Variants in ZZZ3 observed in about 807,000 individuals in gnomAD.
ZZZ3 encodes ZZ-type zinc finger-containing protein 3.
A neutral mutation model predicts 95.2 loss-of-function variants in ZZZ3; 22 were observed. That is an observed-to-expected ratio of 0.23 (90% CI 0.17 to 0.33). The LOEUF is 0.33. Among genes scored for constraint, ZZZ3 ranks in the 10% least tolerant of loss-of-function variants. ZZZ3 has a pLI of 1.00. For synonymous variants in ZZZ3, 335 were observed against 358.9 expected, an observed-to-expected ratio of 0.93 and a Z score of 0.75; for missense variants, 885 against 1,066.5, an observed-to-expected ratio of 0.83 and a Z score of 2.37.
chr1:77,626,605 C>T (rs893488211), intron 5 of ZZZ3, among the ~76,000 whole-genome samples: 1 of 152,170 alleles, frequency 6.6e-6, no homozygotes, highest in Admixed American at 6.5e-5. Context: ...TGGTGTGCAG[C>T]CCAGTTCCTA....
intron 1 of ZZZ3, among the ~76,000 whole-genome samples, chr1:77,673,735 T>A (rs1029645146): frequency 3.3e-5 from 5 of 152,216 alleles, no homozygotes; most frequent in African/African-American, 9.6e-5. Flanking sequence ...TGTTGTACTG[T>A]TCATAAATAT....
At chr1:77,628,385 C>T (rs1667504865) in intron 5 of ZZZ3, among the ~76,000 whole-genome samples, 2 of 152,076 alleles carry the variant, frequency 1.3e-5, no homozygotes, top group South Asian at 4.1e-4. Context: ...ATTCTCTGGT[C>T]CCTTTCTCAC....
intron 5 of ZZZ3, among the ~76,000 whole-genome samples, chr1:77,592,892 A>T (rs1419765458): frequency 6.6e-6 from 1 of 152,252 alleles, no homozygotes; most frequent in Non-Finnish European, 1.5e-5. Context: ...AAAGCATCAA[A>T]GAGCTAACAA....
chr1:77,602,107 A>G lies in ZZZ3; in HGVS notation c.1506-17452T>C, dbSNP rs558832115. Among the ~76,000 whole-genome samples the G allele has an allele frequency of 3.9e-5, 6 of 152,368 alleles. No individual in the cohort carries two copies. In the South Asian group the frequency reaches 1.2e-3, roughly 32 times the overall value. ...CAGGGCACCTGAGAGGCTCCCAACT[A>G]TAATTGGAAACCATGCCTTTAGAGT... On this transcript the variant is annotated intron_variant, in intron 5 of 14. Coordinates refer to ENST00000370801, the MANE Select transcript of ZZZ3 (RefSeq NM_015534.6).
intron 5 of ZZZ3, among the ~76,000 whole-genome samples, chr1:77,595,936 C>T (rs190198973): frequency 1.9e-3 from 294 of 152,014 alleles, no homozygotes; most frequent in Non-Finnish European, 2.9e-3. Flanking sequence ...ATACTTGCTA[C>T]GTAGAAAAGA....
intron 5 of ZZZ3, among the ~76,000 whole-genome samples, chr1:77,612,203 T>C (rs940370952): frequency 2.0e-5 from 3 of 152,048 alleles, no homozygotes; most frequent in South Asian, 2.1e-4. Context: ...TCAACATCAC[T>C]AATCATCAGG....
intron 5 of ZZZ3, among the ~76,000 whole-genome samples, chr1:77,586,310 C>T (rs1252573109): frequency 6.6e-6 from 1 of 152,208 alleles, no homozygotes; most frequent in Non-Finnish European, 1.5e-5. Flanking sequence ...GCCTCTATCC[C>T]TGTTTTAAGC....
chr1:77,649,499 T>C (rs898024887), intron 1 of ZZZ3, among the ~76,000 whole-genome samples: 2 of 152,118 alleles, frequency 1.3e-5, no homozygotes, highest in African/African-American at 4.8e-5. Context: ...AGAAGTTCTT[T>C]AGGCAGAAGG....
chr1:77,642,643 A>G (rs977511807), intron 1 of ZZZ3, among the ~76,000 whole-genome samples: 3 of 152,026 alleles, frequency 2.0e-5, no homozygotes, highest in Non-Finnish European at 4.4e-5. Flanking sequence ...TGTAGTCCCA[A>G]GTACTTGGTT....
intron 5 of ZZZ3, among the ~76,000 whole-genome samples, chr1:77,611,907 T>G (rs751890109): frequency 1.3e-5 from 2 of 151,988 alleles, no homozygotes; most frequent in African/African-American, 2.4e-5. Flanking sequence ...TTCCTCAACA[T>G]TGGTGTTGGC....
intron 1 of ZZZ3, among the ~76,000 whole-genome samples, chr1:77,663,119 TA>T (rs1164493520): frequency 3.5e-5 from 5 of 143,816 alleles, no homozygotes; most frequent in Non-Finnish European, 4.6e-5. Context: ...AAAAAATTAA[TA>T]AAAAAAAAAA....
At chr1:77,668,625 G>A (rs1344538334) in intron 1 of ZZZ3, among the ~76,000 whole-genome samples, 32 of 147,006 alleles carry the variant, frequency 2.2e-4, no homozygotes, top group South Asian at 4.4e-4. Context: ...TCCAGCCTGC[G>A]TGACAGAGCA....
At chr1:77,675,530 A>T (rs1278994981) in intron 1 of ZZZ3, among the ~76,000 whole-genome samples, 2 of 152,212 alleles carry the variant, frequency 1.3e-5, no homozygotes, top group Non-Finnish European at 2.9e-5. Context: ...CCCAAGACAG[A>T]AGGAAATTAC....
intron 5 of ZZZ3, among the ~76,000 whole-genome samples, chr1:77,612,279 G>C (rs1179914196): frequency 2.6e-5 from 4 of 151,936 alleles, no homozygotes; most frequent in Non-Finnish European, 5.9e-5. Flanking sequence ...TTAGCAAAAA[G>C]ACAGATGATA....
chr1:77,645,129 T>A (rs1252120840), intron 1 of ZZZ3, among the ~76,000 whole-genome samples: 2 of 152,032 alleles, frequency 1.3e-5, no homozygotes, highest in Non-Finnish European at 2.9e-5. Flanking sequence ...TCCTAGCTAC[T>A]CAGGAAGCAA....
intron 1 of ZZZ3, among the ~76,000 whole-genome samples, chr1:77,661,061 A>C (rs1670736465): frequency 2.6e-5 from 4 of 151,946 alleles, no homozygotes; most frequent in Admixed American, 2.0e-4. Flanking sequence ...AACGCAAAAA[A>C]AAAAAAAAAA....
At chr1:77,612,489 A>G (rs574365724) in intron 5 of ZZZ3, among the ~76,000 whole-genome samples, 1 of 152,180 alleles carries the variant, frequency 6.6e-6, no homozygotes, top group South Asian at 2.1e-4. Context: ...CTGCACTACC[A>G]TGTTCACTGA....
At chr1:77,617,576 C>T (rs558391615) in intron 5 of ZZZ3, among the ~76,000 whole-genome samples, 2 of 152,090 alleles carry the variant, frequency 1.3e-5, no homozygotes. Context: ...AATTGTGCTG[C>T]TGTGAACATC....
chr1:77,636,696 C>A (rs1358811300), intron 4 of ZZZ3, among the ~76,000 whole-genome samples: 2 of 123,806 alleles, frequency 1.6e-5, no homozygotes. Flanking sequence ...GGGAGCAAGG[C>A]CCTGTCTTGA....
Sources: gnomAD v4.1 joint callset for allele counts (sites outside exome capture counted in the v4.1 genomes callset) on GRCh38, gnomAD v4.1.1 for gene constraint, MANE v1.5 for transcripts, NCBI Gene and HGNC (gene_info 2026-07-23, HGNC 2026-07-21) for gene names.